The following CHIC1 variants were observed in gnomAD, a reference collection of about 807,000 sequenced individuals.
CHIC1 encodes the protein cysteine-rich hydrophobic domain-containing protein 1.
Under a neutral mutation model 18.5 loss-of-function variants are expected in CHIC1, and 7 were observed. The ratio of observed to expected loss-of-function variants is 0.38; its 90% CI spans 0.22 to 0.71. The LOEUF (loss-of-function observed/expected upper bound fraction) is 0.71, where lower values mean the gene tolerates loss of function less well. Ranked by LOEUF, CHIC1 falls within the 30% of genes least tolerant of loss-of-function variation. CHIC1 has a pLI of 0.49. For synonymous variants in CHIC1, 77 were observed against 73.5 expected (o/e 1.05, Z -0.25); for missense variants, 159 against 176.9 (o/e 0.90, Z 0.57).
chrX:73,576,997 C>T (rs770266656), intron 1 of CHIC1, among the ~76,000 whole-genome samples: 2 of 110,355 alleles, frequency 1.8e-5, no homozygotes, highest in South Asian at 7.4e-4. Flanking sequence ...CATTTGCATA[C>T]ATACACAAAA....
At chrX:73,586,870 TTTTC>T (rs1302539618) in intron 3 of CHIC1, among the ~76,000 whole-genome samples, 1 of 112,060 alleles carries the variant, frequency 8.9e-6, no homozygotes. Flanking sequence ...ATAGAAAACT[TTTTC>T]TTAAAGAACC....
At chrX:73,590,788 T>C (rs918933105) in intron 3 of CHIC1, among the ~76,000 whole-genome samples, 3 of 111,899 alleles carry the variant, frequency 2.7e-5, no homozygotes, top group African/African-American at 6.5e-5. Context: ...CCTGGCTTGA[T>C]AGCTCATTTC....
chrX:73,626,205 C>T (rs1200604425), intron 3 of CHIC1, among the ~76,000 whole-genome samples: 1 of 111,852 alleles, frequency 8.9e-6, no homozygotes, highest in East Asian at 2.8e-4. Flanking sequence ...TTTCCTCTGT[C>T]TTGCTGCATT....
chrX:73,571,815 A>G (rs1235294307), intron 1 of CHIC1, among the ~76,000 whole-genome samples: 1 of 111,363 alleles, frequency 9.0e-6, no homozygotes, highest in Non-Finnish European at 1.9e-5. Flanking sequence ...ATAATATAGT[A>G]TATTTATGTA....
At chrX:73,646,023 C>T (rs563509414) in intron 3 of CHIC1, among the ~76,000 whole-genome samples, 3 of 111,719 alleles carry the variant, frequency 2.7e-5, no homozygotes, top group African/African-American at 9.8e-5. Context: ...ATTTTCAGGT[C>T]TTGCATTTAA....
chrX:73,568,395 TG>T (rs2057455007), intron 1 of CHIC1, among the ~76,000 whole-genome samples: 1 of 111,898 alleles, frequency 8.9e-6, no homozygotes, highest in Non-Finnish European at 1.9e-5. Context: ...TGATCATAAA[TG>T]GATATTAGGA....
At chrX:73,607,865 A>C (rs2057690385) in intron 3 of CHIC1, among the ~76,000 whole-genome samples, 1 of 107,340 alleles carries the variant, frequency 9.3e-6, no homozygotes, top group Non-Finnish European at 1.9e-5. Flanking sequence ...CTTTAGTTGG[A>C]AGTGCAGAGA....
chrX:73,669,283 A>C (rs1032521058), intron 3 of CHIC1, among the ~76,000 whole-genome samples: 3 of 111,944 alleles, frequency 2.7e-5, no homozygotes, highest in Non-Finnish European at 5.7e-5. Context: ...TCCAGCAGGC[A>C]TGGCTGAAAG....
At chrX:73,583,679 T>G (rs1244156657) in intron 2 of CHIC1, among the ~76,000 whole-genome samples, 1 of 111,645 alleles carries the variant, frequency 9.0e-6, no homozygotes, top group Admixed American at 9.5e-5. Context: ...ATTATTCCAG[T>G]CATGTGCATG....
At position 73,563,568 on chromosome X, in the gene CHIC1, G is replaced by A; in HGVS notation, c.284G>A (p.Gly95Asp). Residue 95 changes from glycine (G) to aspartate (D), a missense_variant, in exon 1 of 6, where the codon GGC becomes GAC. Physicochemically the swap from Gly to Asp is moderately conservative, Grantham distance 94 (BLOSUM62 -1). Coordinates refer to ENST00000373502, the MANE Select transcript of CHIC1 (RefSeq NM_001039840.4). ...APDPVLVRGA[G>D]HITVFGLSNK... ...GACCCTGTATTAGTGCGGGGTGCCG[G>A]CCACATCACTGTGTAAGCGAGAGGG... 9.1e-7 allele frequency: 1 copy of A among 1,100,299 alleles called. No homozygotes were observed. Among genetic ancestry groups the A allele is most frequent in the Non-Finnish European group, 1.2e-6 (1 of 840,091 alleles). 90.7% of individuals were successfully genotyped at this position (1,100,299 alleles called of 1,213,427 possible).
chrX:73,582,089 C>A lies in CHIC1; in HGVS notation c.352-2328C>A, dbSNP rs996107574. Among the ~76,000 whole-genome samples the A allele has an allele frequency of 2.7e-5, 3 of 109,171 alleles. No individual in the cohort carries two copies. The East Asian group carries it at 8.6e-4, about 31-fold the overall frequency. The allele number at this position is 109,171 out of a possible 115,157, so 94.8% of individuals were successfully genotyped here. On this transcript the variant is annotated intron_variant, in intron 2 of 5. Transcript: ENST00000373502. Reference sequence around the variant, plus strand: ...ATTTTTTTTTTCTTTTGGACTGACTCATTTCTGCACCTTTTGGTTTTATTT... The same window carrying A: ...ATTTTTTTTTTCTTTTGGACTGACTAATTTCTGCACCTTTTGGTTTTATTT...
chrX:73,679,924 C>T (rs1453727278), intron 5 of CHIC1, among the ~76,000 whole-genome samples: 1 of 111,458 alleles, frequency 9.0e-6, no homozygotes, highest in African/African-American at 3.2e-5. Flanking sequence ...AGAAAAGTTT[C>T]AGTTAGTATG....
chrX:73,567,324 C>G (rs185340998), intron 1 of CHIC1, among the ~76,000 whole-genome samples: 603 of 109,651 alleles, frequency 5.5e-3, no homozygotes, highest in African/African-American at 0.019. Flanking sequence ...CTCCCGACAC[C>G]CCTCTCATAT....
In CHIC1 at chrX:73,649,401, G is replaced by A. The variant is rs140458022; in HGVS notation, c.508-29925G>A. Reference sequence around the variant, plus strand: ...AATGCCCTAATTGAAAGACAGAGTGGCACATTGGATAAAGAGTCAAGACCC... The same window carrying A: ...AATGCCCTAATTGAAAGACAGAGTGACACATTGGATAAAGAGTCAAGACCC... On this transcript the variant is annotated intron_variant, in intron 3 of 5. Transcript: ENST00000373502. 2.4e-4 allele frequency among the ~76,000 whole-genome samples: 27 copies of A among 111,449 alleles called. No individual in the cohort carries two copies. The East Asian group carries it at 4.0e-3, about 16-fold the overall frequency.
chrX:73,588,468 A>T (rs771081043), intron 3 of CHIC1, among the ~76,000 whole-genome samples: 1 of 111,539 alleles, frequency 9.0e-6, no homozygotes, highest in East Asian at 2.8e-4. Context: ...AGTCGCATTA[A>T]CTACATTGAC....
chrX:73,652,627 A>T (rs1483021226), intron 3 of CHIC1, among the ~76,000 whole-genome samples: 2 of 112,898 alleles, frequency 1.8e-5, no homozygotes, highest in Non-Finnish European at 3.7e-5. Context: ...CATATGGAAA[A>T]AAAGCTCAAC....
At chrX:73,659,519 A>G (rs1331061147) in intron 3 of CHIC1, among the ~76,000 whole-genome samples, 1 of 107,894 alleles carries the variant, frequency 9.3e-6, no homozygotes, top group East Asian at 2.8e-4. Context: ...TGCCAATCGC[A>G]TGTCAAATTG....
intron 3 of CHIC1, among the ~76,000 whole-genome samples, chrX:73,633,290 T>G (rs1204441360): frequency 2.8e-5 from 3 of 106,052 alleles, no homozygotes; most frequent in African/African-American, 1.0e-4. Flanking sequence ...AAAGGACAGC[T>G]TTACTAGGTA....
At chrX:73,570,117 A>T (rs2057463768) in intron 1 of CHIC1, among the ~76,000 whole-genome samples, 1 of 111,725 alleles carries the variant, frequency 9.0e-6, no homozygotes, top group African/African-American at 3.2e-5. Flanking sequence ...TGCCTTTAAG[A>T]TATTGATATG....
Sources: allele counts gnomAD v4.1 joint callset (sites outside exome capture counted in the v4.1 genomes callset), GRCh38; gene constraint gnomAD v4.1.1; transcripts MANE v1.5; gene names NCBI Gene and HGNC (gene_info 2026-07-23, HGNC 2026-07-21).